ITGA11: variants seen among roughly 807,000 people sequenced by gnomAD.
The protein encoded by ITGA11 is integrin alpha-11.
In ITGA11, 97 loss-of-function variants were observed where a neutral mutation model predicts 141.9. That is an observed-to-expected ratio of 0.68 (90% CI 0.58 to 0.81). ITGA11 has a LOEUF of 0.81. Ranked by LOEUF, ITGA11 falls within the 30% of genes least tolerant of loss-of-function variation. The probability of loss-of-function intolerance (pLI) is 0.00; values close to 1 mark genes in which losing one functional copy is unlikely to be tolerated. For synonymous variants in ITGA11, 658 were observed against 624.6 expected (o/e 1.05, Z -0.80); for missense variants, 1,387 against 1,559.2 (o/e 0.89, Z 1.86).
chr15:68,432,115 G>C lies in ITGA11; in HGVS notation c.-49C>G. On this transcript the variant is annotated 5_prime_UTR_variant, in exon 1 of 30. Transcript: ENST00000315757. ...CCGGTGTGCAGCGGCGGCGGGGGGC[G>C]GCAAGCCAGAGCGGCAGCCTCCTCG... 1 of 1,328,616 alleles carries C rather than the reference G, an allele frequency of 7.5e-7. No individual in the cohort carries two copies. Among genetic ancestry groups the C allele is most frequent in the East Asian group, 3.1e-5 (1 of 32,242 alleles). The allele number at this position is 1,328,616 out of a possible 1,614,324, so 82.3% of individuals were successfully genotyped here.
At chr15:68,385,569 A>C (rs1234638259) in intron 2 of ITGA11, among the ~76,000 whole-genome samples, 2 of 152,256 alleles carry the variant, frequency 1.3e-5, no homozygotes, top group Admixed American at 6.5e-5. Flanking sequence ...ACCTAAACCC[A>C]CTGTAAAAGG....
rs1358247589 is a variant in ITGA11 at position 68,296,632 on chromosome 15, CTTG to C, written c.*6424_*6426del. On this transcript the variant is annotated 3_prime_UTR_variant, in exon 30 of 30. Transcript: ENST00000315757. The stretch of plus-strand genomic sequence containing the variant: ...TGGGGTTGTGTGTGTTTTTTTTCTA[CTTG>C]TTAGAAGTTCCTTAGAAGTTTGAGG... 1 of 151,788 alleles carries C rather than the reference CTTG, an allele frequency of 6.6e-6. No homozygotes were observed. The highest frequency in any genetic ancestry group is 1.9e-4 in the East Asian group (1 of 5,182). The allele number at this position is 151,788 out of a possible 1,614,324, so 9.4% of individuals were successfully genotyped here.
rs1894200673 is a variant in ITGA11, at chr15:68,332,321, C to A, written c.1566+17G>T. The A allele has an allele frequency of 6.3e-7, 1 of 1,595,848 alleles. No individual in the cohort carries two copies. ...TGGGGGCACCTGAGAAGCTGCCCAG[C>A]CCCTGCCCAGCTGTACCTGTCTCAG... On this transcript the variant is annotated intron_variant, in intron 13 of 29. Coordinates refer to ENST00000315757, the MANE Select transcript of ITGA11 (RefSeq NM_001004439.2).
intron 2 of ITGA11, among the ~76,000 whole-genome samples, chr15:68,388,063 G>C (rs902581327): frequency 6.6e-5 from 10 of 152,144 alleles, no homozygotes; most frequent in Non-Finnish European, 1.0e-4. Context: ...AAACCAATGA[G>C]TCCAAAGCTC....
intron 2 of ITGA11, among the ~76,000 whole-genome samples, chr15:68,398,650 GAAATA>G (rs1896384995): frequency 6.8e-6 from 1 of 147,334 alleles, no homozygotes; most frequent in Admixed American, 6.8e-5. Flanking sequence ...AGTATAAAAT[GAAATA>G]AAAATATTTT....
intron 2 of ITGA11, among the ~76,000 whole-genome samples, chr15:68,400,601 T>TTATAATATATAATATATATTATATAA (rs1555400607): frequency 2.5e-4 from 25 of 101,894 alleles, no homozygotes; most frequent in African/African-American, 9.4e-4. Context: ...ATATTATATA[T>TTATAATATATAATATATATTATATAA]TATAATATAT....
At chr15:68,309,590 CT>C (rs913221357) in intron 26 of ITGA11, among the ~76,000 whole-genome samples, 2,623 of 108,690 alleles carry the variant, frequency 0.024, 27 homozygotes, top group African/African-American at 0.072. Flanking sequence ...CAATACAGTC[CT>C]TTTTTTTTTT....
intron 2 of ITGA11, among the ~76,000 whole-genome samples, chr15:68,389,408 T>G (rs778777988): frequency 2.6e-5 from 4 of 152,224 alleles, no homozygotes; most frequent in Admixed American, 6.5e-5. Context: ...CAGCAGCGTG[T>G]CTGGGGAGGA....
Position 68,358,441 on chromosome 15 carries a change from G to A in ITGA11, c.600+17C>T. 1.3e-6 allele frequency: 2 copies of A among 1,596,438 alleles called. No individual in the cohort carries two copies. The highest frequency in any genetic ancestry group is 1.7e-6 in the Non-Finnish European group (2 of 1,171,192). ...GTGGCCCTGTTCAGAAGTGGAAAGA[G>A]CCCAAGAGATGCTCACCTGGATCTG... On this transcript the variant is annotated intron_variant, in intron 6 of 29. Transcript: ENST00000315757.
At chr15:68,316,935 T>C (rs1893599791) in intron 21 of ITGA11, among the ~76,000 whole-genome samples, 1 of 152,026 alleles carries the variant, frequency 6.6e-6, no homozygotes, top group Non-Finnish European at 1.5e-5. Flanking sequence ...TCCCTCCTCA[T>C]ACACAGCACA....
rs535853872 is a variant in ITGA11 at position 68,298,303 on chromosome 15, C to T, written c.*4756G>A. ...TGGTGTGCTCAGTCCATCAGAGGGG[C>T]GGACTGGGGTTTTGCTTTTGCCTTA... On this transcript the variant is annotated 3_prime_UTR_variant, in exon 30 of 30. Transcript: ENST00000315757. The T allele has an allele frequency of 2.2e-4, 34 of 152,212 alleles. No homozygotes were observed. In the East Asian group the frequency reaches 6.0e-3, roughly 27 times the overall value. 9.4% of individuals were successfully genotyped at this position (152,212 alleles called of 1,614,324 possible).
chr15:68,407,330 G>A (rs1464715049), intron 1 of ITGA11, among the ~76,000 whole-genome samples: 1 of 152,156 alleles, frequency 6.6e-6, no homozygotes, highest in Non-Finnish European at 1.5e-5. Context: ...ACAAAGTGCT[G>A]GTTTCGTCTC....
rs764844367 is a variant in ITGA11, at chr15:68,320,284, C to T, written c.2517G>A (p.Ala839=). The T allele has an allele frequency of 1.8e-5, 29 of 1,613,878 alleles. No individual in the cohort carries two copies. Among genetic ancestry groups the T allele is most frequent in the African/African-American group, 6.7e-5 (5 of 74,936 alleles). ...CCCTGTTCTCCAGTGTGGCCTCCAC[C>T]GCCACTCGCTGGCGTGTGCTCTCTA... ...FIIESTRQRV[A]VEATLENRGE... is the part of the protein sequence containing the mutation. The change falls in exon 20 of 30, where the codon GCG becomes GCA. Residue 839 remains alanine (A), a synonymous_variant. Transcript: ENST00000315757.
intron 2 of ITGA11, among the ~76,000 whole-genome samples, chr15:68,384,423 C>T (rs1895934682): frequency 6.6e-6 from 1 of 152,154 alleles, no homozygotes; most frequent in South Asian, 2.1e-4. Context: ...CTGTGCTCTC[C>T]TTGGTCATTC....
chr15:68,350,358 T>G (rs565806903), intron 9 of ITGA11, among the ~76,000 whole-genome samples: 19 of 145,358 alleles, frequency 1.3e-4, no homozygotes, highest in Non-Finnish European at 2.5e-4. Flanking sequence ...CTAATTTTTG[T>G]AATTTTTTTT....
rs1430437114 is a variant in ITGA11, at chr15:68,302,708, G to A, written c.*351C>T. On this transcript the variant is annotated 3_prime_UTR_variant, in exon 30 of 30. Coordinates refer to ENST00000315757, the MANE Select transcript of ITGA11 (RefSeq NM_001004439.2). ...CAGTCTTCCTCCCTGGGTTTCTCTGGAGGATGGGGATGATTACGAATTCCT... is the reference window on the plus strand; with the variant it reads ...CAGTCTTCCTCCCTGGGTTTCTCTGAAGGATGGGGATGATTACGAATTCCT... 2 of 243,576 alleles carry A rather than the reference G, an allele frequency of 8.2e-6. No individual in the cohort carries two copies. The highest frequency in any genetic ancestry group is 1.6e-5 in the Non-Finnish European group (2 of 128,600). 15.1% of individuals were successfully genotyped at this position (243,576 alleles called of 1,614,324 possible).
At chr15:68,342,775 G>T (rs1054744691) in intron 10 of ITGA11, among the ~76,000 whole-genome samples, 1 of 152,204 alleles carries the variant, frequency 6.6e-6, no homozygotes, top group African/African-American at 2.4e-5. Flanking sequence ...AGTGGTGGGG[G>T]TGCTACTGGT....
chr15:68,421,248 G>A (rs1897010401), intron 1 of ITGA11, among the ~76,000 whole-genome samples: 1 of 152,198 alleles, frequency 6.6e-6, no homozygotes, highest in Non-Finnish European at 1.5e-5. Flanking sequence ...GGTTCTTGGG[G>A]AAGAGCATTC....
At chr15:68,312,948 G>T in intron 23 of ITGA11, 85 bp from the exon 24 acceptor site, 1 of 1,000,942 alleles carries the variant, frequency 1.0e-6, no homozygotes, top group Non-Finnish European at 1.5e-6. Flanking sequence ...GAGGGCATGT[G>T]CCGGCCTCCC....
Sources: gnomAD v4.1 joint callset for allele counts (sites outside exome capture counted in the v4.1 genomes callset) on GRCh38, gnomAD v4.1.1 for gene constraint, MANE v1.5 for transcripts, NCBI Gene and HGNC (gene_info 2026-07-23, HGNC 2026-07-21) for gene names.